The following B4GALT1 variants were observed in gnomAD, a reference collection of about 807,000 sequenced individuals.
B4GALT1 encodes the protein beta-1,4-galactosyltransferase 1.
In B4GALT1, 16 loss-of-function variants were observed where a neutral mutation model predicts 34.9. The ratio of observed to expected loss-of-function variants is 0.46; its 90% CI spans 0.31 to 0.70. The LOEUF (loss-of-function observed/expected upper bound fraction) is 0.70. B4GALT1 is among the 30% of genes least tolerant of loss of function. B4GALT1 has a pLI of 0.05. For synonymous variants in B4GALT1, 221 were observed against 218.1 expected (o/e 1.01, Z -0.12); for missense variants, 445 against 530.5 (o/e 0.84, Z 1.58).
intron 1 of B4GALT1, 47 bp downstream of exon 1, chr9:33,166,711 T>A (rs1248601277): frequency 6.8e-7 from 1 of 1,471,744 alleles, no homozygotes; most frequent in Admixed American, 2.5e-5. Flanking sequence ...GTCGGGGAAA[T>A]CCGGGGGGGT....
At chr9:33,156,294 C>A (rs538911975) in intron 1 of B4GALT1, among the ~76,000 whole-genome samples, 2 of 152,010 alleles carry the variant, frequency 1.3e-5, no homozygotes, top group African/African-American at 4.8e-5. Flanking sequence ...CCACCACACC[C>A]GGCTAATTTT....
At chr9:33,174,827 T>G in the B4GALT1 span, among the ~76,000 whole-genome samples, 1 of 140,122 alleles carries the variant, frequency 7.1e-6, no homozygotes, top group Non-Finnish European at 1.6e-5. Context: ...CATGGTGGTG[T>G]GCACCTGTAA....
intron 1 of B4GALT1, among the ~76,000 whole-genome samples, chr9:33,145,725 G>T (rs529134675): frequency 6.6e-6 from 1 of 152,312 alleles, no homozygotes; most frequent in Non-Finnish European, 1.5e-5. Flanking sequence ...CCAGGGTTCT[G>T]ATATTCCTGG....
At chr9:33,108,436 A>G (rs1015208617), downstream of B4GALT1, among the ~76,000 whole-genome samples, 2 of 135,134 alleles carry the variant, frequency 1.5e-5, no homozygotes, top group African/African-American at 5.6e-5. Flanking sequence ...AACATATTGA[A>G]ACTCTGTCTC....
chr9:33,122,056 C>T (rs777137549), intron 2 of B4GALT1, among the ~76,000 whole-genome samples: 1 of 152,132 alleles, frequency 6.6e-6, no homozygotes, highest in African/African-American at 2.4e-5. Context: ...CATGAGGAAA[C>T]GAACTAAGGC....
intron 1 of B4GALT1, among the ~76,000 whole-genome samples, chr9:33,154,154 T>C (rs932789559): frequency 2.0e-5 from 3 of 152,114 alleles, no homozygotes; most frequent in Admixed American, 1.3e-4. Context: ...TTATACACCA[T>C]GACCAAGTGG....
intron 1 of B4GALT1, among the ~76,000 whole-genome samples, chr9:33,163,528 G>T (rs141783974): frequency 2.4e-4 from 36 of 152,290 alleles, no homozygotes; most frequent in African/African-American, 8.7e-4. Flanking sequence ...GAGCCCCCAG[G>T]CCAGCCTGCC....
intron 2 of B4GALT1, among the ~76,000 whole-genome samples, chr9:33,127,872 G>C (rs1288454581): frequency 6.6e-6 from 1 of 152,224 alleles, no homozygotes; most frequent in African/African-American, 2.4e-5. Context: ...TGACGGGCTG[G>C]CTTCCAGCAA....
chr9:33,172,070 C>A (rs577629858), upstream of B4GALT1, among the ~76,000 whole-genome samples: 1 of 152,342 alleles, frequency 6.6e-6, no homozygotes, highest in South Asian at 2.1e-4. Context: ...CGCAAAAGCA[C>A]TCACTGCCCA....
At chr9:33,115,367 C>T (rs998169261) in intron 4 of B4GALT1, among the ~76,000 whole-genome samples, 2 of 152,212 alleles carry the variant, frequency 1.3e-5, no homozygotes, top group African/African-American at 4.8e-5. Flanking sequence ...GAAGCCTCTA[C>T]AGCCAGAGGA....
intron 1 of B4GALT1, among the ~76,000 whole-genome samples, chr9:33,153,452 T>C (rs981558415): frequency 6.6e-6 from 1 of 151,702 alleles, no homozygotes; most frequent in African/African-American, 2.4e-5. Flanking sequence ...TCTGAAAAGA[T>C]CAATAAAAAT....
At position 33,113,153 on chromosome 9, in the gene B4GALT1, T is replaced by G; in HGVS notation, c.*301A>C. On this transcript the variant is annotated 3_prime_UTR_variant, in exon 6 of 6. Transcript: ENST00000379731. Reference sequence around the variant, plus strand: ...TTTAGCAATTCTATCACCGGGAATGTGTTCCACGGCCACCAAATTTTGGGA... The same window carrying G: ...TTTAGCAATTCTATCACCGGGAATGGGTTCCACGGCCACCAAATTTTGGGA... 2.4e-6 allele frequency: 1 copy of G among 414,872 alleles called. No homozygotes were observed. The allele number at this position is 414,872 out of a possible 1,614,324, so 25.7% of individuals were successfully genotyped here.
chr9:33,161,446 A>G (rs996217010), intron 1 of B4GALT1, among the ~76,000 whole-genome samples: 14 of 152,194 alleles, frequency 9.2e-5, no homozygotes, highest in African/African-American at 3.4e-4. Flanking sequence ...GCCCAGATCA[A>G]CACAGAGGCC....
intron 1 of B4GALT1, among the ~76,000 whole-genome samples, chr9:33,152,364 C>CATAAT (rs1170883185): frequency 9.3e-6 from 1 of 108,098 alleles, no homozygotes; most frequent in African/African-American, 4.0e-5. Context: ...CATAACATAA[C>CATAAT]ATAACAACTT....
At chr9:33,180,884 G>T in the B4GALT1 span, among the ~76,000 whole-genome samples, 1 of 152,234 alleles carries the variant, frequency 6.6e-6, no homozygotes, top group African/African-American at 2.4e-5. Context: ...TAATGGCAAA[G>T]GTTCATTCCA....
chr9:33,147,216 C>T (rs1840439694), intron 1 of B4GALT1, among the ~76,000 whole-genome samples: 1 of 151,702 alleles, frequency 6.6e-6, no homozygotes, highest in Non-Finnish European at 1.5e-5. Flanking sequence ...GTATGTAGAC[C>T]TCACACTCTA....
At chr9:33,109,919 A>G (rs1839834682), downstream of B4GALT1, among the ~76,000 whole-genome samples, 1 of 152,182 alleles carries the variant, frequency 6.6e-6, no homozygotes, top group Non-Finnish European at 1.5e-5. Flanking sequence ...GTTTGTTTTT[A>G]ATTTTGTCAG....
At chr9:33,167,884 C>A (rs1034136404), upstream of B4GALT1, among the ~76,000 whole-genome samples, 3 of 152,216 alleles carry the variant, frequency 2.0e-5, no homozygotes, top group Admixed American at 6.5e-5. Context: ...CCTAACTCAG[C>A]CCGGCTGGAC....
At chr9:33,162,255 T>TG (rs1326954344) in intron 1 of B4GALT1, among the ~76,000 whole-genome samples, 2 of 152,118 alleles carry the variant, frequency 1.3e-5, no homozygotes, top group African/African-American at 4.8e-5. Flanking sequence ...GATATGAACT[T>TG]GGAGTTTCTG....
Sources: gnomAD v4.1 joint callset for allele counts (sites outside exome capture counted in the v4.1 genomes callset) on GRCh38, gnomAD v4.1.1 for gene constraint, MANE v1.5 for transcripts, NCBI Gene and HGNC (gene_info 2026-07-23, HGNC 2026-07-21) for gene names.